Variants in SLC25A17 observed in about 807,000 individuals in gnomAD.
SLC25A17 encodes solute carrier family 25 member 17.
A neutral mutation model predicts 38.5 loss-of-function variants in SLC25A17; 26 were observed. The observed-to-expected ratio is 0.68, with a 90% CI of 0.50 to 0.94. The LOEUF is 0.94. Among genes scored for constraint, SLC25A17 ranks in the 40% least tolerant of loss-of-function variants. The pLI, the probability that SLC25A17 is intolerant of heterozygous loss-of-function variation, is 0.00. For missense variants in SLC25A17, 333 were observed against 372.7 expected, an observed-to-expected ratio of 0.89 and a Z score of 0.88; for synonymous variants, 139 against 136.2, an observed-to-expected ratio of 1.02 and a Z score of -0.14.
intron 7 of SLC25A17, among the ~76,000 whole-genome samples, chr22:40,774,782 G>C (rs528233063): frequency 6.6e-6 from 1 of 152,232 alleles, no homozygotes; most frequent in East Asian, 1.9e-4. Context: ...CTTATGTTAA[G>C]TACCAATTTT....
At chr22:40,800,923 G>A (rs946545159) in intron 1 of SLC25A17, among the ~76,000 whole-genome samples, 1 of 151,590 alleles carries the variant, frequency 6.6e-6, no homozygotes, top group Non-Finnish European at 1.5e-5. Context: ...CCAACATGGT[G>A]AAATCCCCTC....
chr22:40,779,288 CTACTGT>C, intron 4 of SLC25A17, 163 bp from the exon 5 acceptor site: 1 of 1,480,426 alleles, frequency 6.8e-7, no homozygotes, highest in South Asian at 1.3e-5. Context: ...ACACAAGCCA[CTACTGT>C]TAGAAGCGAT....
chr22:40,785,473 C>T (rs147643314), intron 4 of SLC25A17, among the ~76,000 whole-genome samples: 2 of 152,276 alleles, frequency 1.3e-5, no homozygotes, highest in African/African-American at 4.8e-5. Context: ...TAAAAGGAGG[C>T]AAAGGAGTTA....
In SLC25A17 at chr22:40,771,346, G is replaced by A. The variant is rs561846752; in HGVS notation, c.777-365C>T. Among the ~76,000 whole-genome samples, 18 of 152,204 alleles carry A rather than the reference G, an allele frequency of 1.2e-4. No individual in the cohort carries two copies. In the East Asian group the frequency reaches 1.7e-3, roughly 15 times the overall value. ...AGGATGGTCTCGATCCCCTGACCTCGTGATCTGCCCGCCTCAGCCTCCCAA... is the reference window on the plus strand; with the variant it reads ...AGGATGGTCTCGATCCCCTGACCTCATGATCTGCCCGCCTCAGCCTCCCAA... On this transcript the variant is annotated intron_variant, in intron 8 of 8. Transcript: ENST00000435456.
intron 1 of SLC25A17, among the ~76,000 whole-genome samples, chr22:40,812,842 G>A (rs555802643): frequency 1.4e-4 from 21 of 151,960 alleles, no homozygotes; most frequent in Non-Finnish European, 2.6e-4. Context: ...ACTCCAGCCT[G>A]GGAAACACAG....
At chr22:40,796,001 C>T (rs2057426008) in intron 2 of SLC25A17, among the ~76,000 whole-genome samples, 1 of 151,360 alleles carries the variant, frequency 6.6e-6, no homozygotes, top group Non-Finnish European at 1.5e-5. Flanking sequence ...GTTGGCCAGG[C>T]TGGTCTTGAA....
rs777119703 is a variant in SLC25A17, at chr22:40,777,040, C to T, written c.693G>A (p.Arg231=). Residue 231 remains arginine, a splice_region_variant and synonymous_variant, in exon 7 of 9, where the codon AGG becomes AGA. Coordinates refer to ENST00000435456, the MANE Select transcript of SLC25A17 (RefSeq NM_006358.4). ...ATGCGAAGAGAACTCCAGCACTCAC[C>T]CTCAGAATTGACTGTACCGTCTGCA... The part of the protein sequence containing the change: ...YPLQTVQSIL[R]FGRHRLNPEN... 1.2e-4 allele frequency: 193 copies of T among 1,613,656 alleles called. 3 individuals are homozygous for T. The South Asian group carries it at 1.8e-3, about 15-fold the overall frequency.
intron 8 of SLC25A17, among the ~76,000 whole-genome samples, chr22:40,772,643 T>A (rs916430025): frequency 3.9e-5 from 6 of 152,030 alleles, no homozygotes; most frequent in East Asian, 1.9e-4. Flanking sequence ...TTTTTTTTTT[T>A]TTATTTTTTT....
intron 1 of SLC25A17, among the ~76,000 whole-genome samples, chr22:40,809,912 A>G (rs2057563809): frequency 6.6e-6 from 1 of 152,166 alleles, no homozygotes; most frequent in Non-Finnish European, 1.5e-5. Context: ...ACTCTATAAA[A>G]AGGTAAATAC....
intron 2 of SLC25A17, among the ~76,000 whole-genome samples, chr22:40,798,628 A>G (rs2057451198): frequency 7.7e-6 from 1 of 130,136 alleles, no homozygotes. Flanking sequence ...CCTTAACCCT[A>G]TCCCCTCTAG....
intron 4 of SLC25A17, chr22:40,788,915 A>T (rs569864528): frequency 1.8e-4 from 54 of 292,300 alleles, no homozygotes; most frequent in African/African-American, 1.2e-3. Flanking sequence ...GACTCTCATG[A>T]ATCAAAGTTC....
intron 1 of SLC25A17, among the ~76,000 whole-genome samples, chr22:40,810,655 T>G (rs145536691): frequency 2.6e-4 from 40 of 152,298 alleles, no homozygotes; most frequent in African/African-American, 9.4e-4. Context: ...AATATTCTAA[T>G]AGTAAATTTT....
intron 1 of SLC25A17, among the ~76,000 whole-genome samples, chr22:40,815,857 T>C (rs1272094631): frequency 2.0e-5 from 3 of 152,202 alleles, no homozygotes; most frequent in African/African-American, 7.2e-5. Flanking sequence ...TATAATTTCA[T>C]TAATCGTTTT....
intron 4 of SLC25A17, among the ~76,000 whole-genome samples, chr22:40,784,296 C>T (rs943055703): frequency 2.5e-4 from 38 of 152,002 alleles, no homozygotes; most frequent in Admixed American, 2.2e-3. Flanking sequence ...ATTGTCCAAG[C>T]GAACTAGGCC....
chr22:40,810,363 T>G (rs2057569228), intron 1 of SLC25A17, among the ~76,000 whole-genome samples: 1 of 151,840 alleles, frequency 6.6e-6, no homozygotes, highest in Non-Finnish European at 1.5e-5. Context: ...TTTTTTTTTT[T>G]TGAGACAGAG....
intron 1 of SLC25A17, 40 bp from the exon 2 acceptor site, chr22:40,799,123 T>C (rs745631416): frequency 5.8e-6 from 9 of 1,547,538 alleles, no homozygotes; most frequent in East Asian, 2.2e-5. Flanking sequence ...ATCACAAACA[T>C]AGTTTAAGTC....
intron 4 of SLC25A17, among the ~76,000 whole-genome samples, chr22:40,782,888 G>A (rs1250843669): frequency 6.6e-6 from 1 of 152,054 alleles, no homozygotes. Context: ...TATTCCCCAA[G>A]ATATGAAGCT....
At chr22:40,809,146 G>A (rs554043872) in intron 1 of SLC25A17, among the ~76,000 whole-genome samples, 1 of 151,550 alleles carries the variant, frequency 6.6e-6, no homozygotes, top group Admixed American at 6.6e-5. Context: ...TGGAATTTTA[G>A]GTATGAGCAA....
rs1416149345 is a variant in SLC25A17 at position 40,799,019 on chromosome 22, T to C, written c.115+4A>G. The C allele has an allele frequency of 6.3e-7, 1 of 1,596,260 alleles. No homozygotes were observed. The highest frequency in any genetic ancestry group is 1.3e-5 in the African/African-American group (1 of 74,572). ...ATACAAATAGGAGTATGATTTCTAC[T>C]TACCCTGAAGTCGAAGTCTAGCTGT... On this transcript the variant is annotated splice_donor_region_variant and intron_variant, in intron 2 of 8. Transcript: ENST00000435456.
Sources: gnomAD v4.1 joint callset for allele counts (sites outside exome capture counted in the v4.1 genomes callset) on GRCh38, gnomAD v4.1.1 for gene constraint, MANE v1.5 for transcripts, NCBI Gene and HGNC (gene_info 2026-07-23, HGNC 2026-07-21) for gene names.